The following FAM193B variants were observed in gnomAD, a reference collection of about 807,000 sequenced individuals.
The protein encoded by FAM193B is protein FAM193B.
A neutral mutation model predicts 70.7 loss-of-function variants in FAM193B; 27 were observed. That is an observed-to-expected ratio of 0.38 (90% CI 0.28 to 0.53). The LOEUF is 0.53. FAM193B is among the 20% of genes least tolerant of loss of function. FAM193B has a pLI of 0.81. For missense variants in FAM193B, 1,022 were observed against 1,072.5 expected (o/e 0.95, Z 0.66); for synonymous variants, 448 against 436.0 (o/e 1.03, Z -0.34).
At chr5:177,544,884 C>T (rs1409875283) in intron 1 of FAM193B, among the ~76,000 whole-genome samples, 1 of 152,190 alleles carries the variant, frequency 6.6e-6, no homozygotes, top group Non-Finnish European at 1.5e-5. Context: ...ACATTCCTCC[C>T]TTTCTCACTT....
chr5:177,525,230 G>A (rs946352947), intron 5 of FAM193B, 25 bp from the exon 6 acceptor site: 5 of 1,435,560 alleles, frequency 3.5e-6, no homozygotes, highest in Non-Finnish European at 4.6e-6. Context: ...GGCAGTTTTA[G>A]CAGGAGGCTG....
In FAM193B at chr5:177,536,431, C is replaced by T. The variant is rs758363295; in HGVS notation, c.1003G>A (p.Gly335Arg). The T allele has an allele frequency of 6.9e-6, 11 of 1,599,916 alleles. No individual in the cohort carries two copies. Among genetic ancestry groups the T allele is most frequent in the Admixed American group, 1.8e-5 (1 of 56,088 alleles). Residue 335 changes from glycine (G) to arginine (R), a missense_variant, in exon 4 of 9, where the codon GGG (glycine) becomes AGG (arginine). Transcript: ENST00000514747. The part of the protein sequence containing the change: ...PFSGCSHPCS[G>R]HCGGHCSGPL... The stretch of plus-strand genomic sequence containing the variant: ...CCACTGCAGTGCCCACCACAGTGCC[C>T]GCTGCAGGGGTGGCTGCACCCCGAG...
chr5:177,525,489 A>C, intron 5 of FAM193B: 5 of 326,262 alleles, frequency 1.5e-5, no homozygotes, highest in Non-Finnish European at 2.8e-5. Flanking sequence ...GGGGACAATA[A>C]TTCCGGAGTA....
intron 4 of FAM193B, among the ~76,000 whole-genome samples, chr5:177,535,067 C>A (rs1764016215): frequency 6.6e-6 from 1 of 152,228 alleles, no homozygotes; most frequent in African/African-American, 2.4e-5. Flanking sequence ...AACACCTAAA[C>A]AGCCTTTAAC....
rs757103036 is a variant in FAM193B at position 177,532,561 on chromosome 5, C to G, written c.1157G>C (p.Gly386Ala). The G allele has an allele frequency of 4.4e-6, 7 of 1,604,970 alleles. No homozygotes were observed. In the African/African-American group the frequency reaches 9.4e-5, roughly 21 times the overall value. The change falls in exon 5 of 9, where the codon GGG becomes GCG. Residue 386 changes from glycine (G) to alanine (A), a missense_variant. Gly to Ala is a moderately conservative substitution (Grantham distance 60). Transcript: ENST00000514747. This position sits in a 1 kb window ranked among gnomAD's most constrained non-coding sequence, Gnocchi z 4.9. Reference protein sequence around the residue: ...QLPQPCEADEGLGEEEDSSSE... With the variant: ...QLPQPCEADEALGEEEDSSSE... ...GCTGCTATCCTCTTCCTCACCCAGC[C>G]CCTCATCTGCCTCGCAGGGCTGGGG...
chr5:177,554,045 G>A, intron 1 of FAM193B: 1 of 1,346,674 alleles, frequency 7.4e-7, no homozygotes, highest in Non-Finnish European at 9.6e-7. Context: ...CTAGTCGCAG[G>A]AGCGCGGACC....
chr5:177,532,328 G>A lies in FAM193B; in HGVS notation c.1275+115C>T. 1 of 1,492,834 alleles carries A rather than the reference G, an allele frequency of 6.7e-7. No homozygotes were observed. Among genetic ancestry groups the A allele is most frequent in the Non-Finnish European group, 8.9e-7 (1 of 1,120,272 alleles). The allele number at this position is 1,492,834 out of a possible 1,614,324, so 92.5% of individuals were successfully genotyped here. A position where few individuals can be genotyped will look rare whatever the true frequency, so the allele number is the denominator to read the frequency against. Reference sequence around the variant, plus strand: ...GCAGACGCAGGTGCAAGGACTCACGGCCCCAGCACGGTAATTACCACCGTG... The same window carrying A: ...GCAGACGCAGGTGCAAGGACTCACGACCCCAGCACGGTAATTACCACCGTG... On this transcript the variant is annotated intron_variant, in intron 5 of 8. Coordinates refer to ENST00000514747, the MANE Select transcript of FAM193B (RefSeq NM_001190946.3). This position sits in a 1 kb window ranked among gnomAD's most constrained non-coding sequence, Gnocchi z 4.9.
rs144727057 is a variant in FAM193B, at chr5:177,550,850, G to C, written c.210+3399C>G. Among the ~76,000 whole-genome samples, 13 of 152,270 alleles carry C rather than the reference G, an allele frequency of 8.5e-5. No homozygotes were observed. In the East Asian group the frequency reaches 1.7e-3, roughly 20 times the overall value. On this transcript the variant is annotated intron_variant, in intron 1 of 8. Transcript: ENST00000514747. ...AAGTATTATTATTATTTTAAAAGGA[G>C]ACGGTGTTTCCCTCTCTCCCCCAGG...
At chr5:177,531,781 A>G in intron 5 of FAM193B, 1 of 825,232 alleles carries the variant, frequency 1.2e-6, no homozygotes, top group Non-Finnish European at 1.6e-6. Flanking sequence ...GGGCTTCGTC[A>G]CTGGGAAGCT....
intron 5 of FAM193B, chr5:177,531,864 C>T (rs1289041342): frequency 8.5e-7 from 1 of 1,176,806 alleles, no homozygotes; most frequent in African/African-American, 1.6e-5. Context: ...GATAATAACC[C>T]CTAGCTCAAA....
In FAM193B at chr5:177,525,021, C is replaced by A. The variant is rs1034038108; in HGVS notation, c.1460G>T (p.Arg487Leu). Reference protein sequence around the residue: ...EIKNTVKDSIRASFSVCELSM... With the variant: ...EIKNTVKDSILASFSVCELSM... ...GAGCTCACACACACTGAAGCTGGCA[C>A]GGATGGAGTCTTTGACAGTGTTTTT... The change falls in exon 6 of 9, where the codon CGT (arginine) becomes CTT (leucine). Residue 487 changes from arginine (R) to leucine (L), a missense_variant. Physicochemically the swap from Arg to Leu is moderately radical, Grantham distance 102 (BLOSUM62 -2). Coordinates refer to ENST00000514747, the MANE Select transcript of FAM193B (RefSeq NM_001190946.3). 1.9e-6 allele frequency: 3 copies of A among 1,557,854 alleles called. No individual in the cohort carries two copies. The highest frequency in any genetic ancestry group is 2.6e-6 in the Non-Finnish European group (3 of 1,154,964).
intron 1 of FAM193B, among the ~76,000 whole-genome samples, chr5:177,549,162 AC>A (rs1327372878): frequency 2.0e-5 from 3 of 149,100 alleles, no homozygotes; most frequent in Admixed American, 2.0e-4. Flanking sequence ...CCTAACATTA[AC>A]CATGTAAGAC....
chr5:177,536,875 G>A, intron 3 of FAM193B, 130 bp from the exon 4 acceptor site: 1 of 1,249,404 alleles, frequency 8.0e-7, no homozygotes, highest in Non-Finnish European at 1.1e-6. Flanking sequence ...AGGGGACCCT[G>A]GAGCTGCAGA....
chr5:177,521,867 A>C (rs1305059704), intron 8 of FAM193B, 107 bp downstream of exon 8: 5 of 830,886 alleles, frequency 6.0e-6, no homozygotes. Flanking sequence ...CCCATGCCCC[A>C]AGTCCAACTC....
chr5:177,553,618 C>G, intron 1 of FAM193B: 3 of 1,223,500 alleles, frequency 2.5e-6, no homozygotes, highest in Non-Finnish European at 3.1e-6. Context: ...ATCTCAAGGT[C>G]GGGGTGGGCT....
intron 4 of FAM193B, among the ~76,000 whole-genome samples, chr5:177,535,219 A>G (rs1384764662): frequency 6.6e-6 from 1 of 152,240 alleles, no homozygotes; most frequent in African/African-American, 2.4e-5. Flanking sequence ...CAACTAGAGA[A>G]CAGTAACATG....
intron 4 of FAM193B, among the ~76,000 whole-genome samples, chr5:177,533,432 G>A (rs534656883): frequency 6.6e-6 from 1 of 151,956 alleles, no homozygotes; most frequent in East Asian, 1.9e-4. Context: ...AGCCTCCCGA[G>A]TAGCTGGGAC....
chr5:177,553,786 G>A (rs993945253), intron 1 of FAM193B: 17 of 1,287,300 alleles, frequency 1.3e-5, no homozygotes, highest in Non-Finnish European at 1.7e-5. Flanking sequence ...CTGCTGAGGG[G>A]GCCGCGGCTG....
intron 1 of FAM193B, chr5:177,553,937 T>G: frequency 8.1e-7 from 1 of 1,232,742 alleles, no homozygotes; most frequent in Non-Finnish European, 1.0e-6. Context: ...AGAGCGGAGC[T>G]GCGGCCTCGG....
Sources: allele counts gnomAD v4.1 joint callset (sites outside exome capture counted in the v4.1 genomes callset), GRCh38; gene constraint gnomAD v4.1.1; non-coding constraint Gnocchi (gnomAD v3.1); transcripts MANE v1.5; gene names NCBI Gene and HGNC (gene_info 2026-07-23, HGNC 2026-07-21).